The following ELFN2 variants were observed in gnomAD, a reference collection of about 807,000 sequenced individuals.
ELFN2 encodes extracellular leucine rich repeat and fibronectin type III domain containing 2, also known as protein phosphatase 1 regulatory subunit 29.
Under a neutral mutation model 45.5 loss-of-function variants are expected in ELFN2, and 17 were observed. The ratio of observed to expected loss-of-function variants is 0.37; its 90% CI spans 0.26 to 0.56. The LOEUF is 0.56. Among genes scored for constraint, ELFN2 ranks in the 20% least tolerant of loss-of-function variants. The probability of loss-of-function intolerance (pLI) is 0.77; values close to 1 mark genes in which losing one functional copy is unlikely to be tolerated. For missense variants in ELFN2, 922 were observed against 1,183.2 expected, an observed-to-expected ratio of 0.78 and a Z score of 3.24; for synonymous variants, 550 against 551.5, an observed-to-expected ratio of 1.00 and a Z score of 0.04.
intron 2 of ELFN2, among the ~76,000 whole-genome samples, chr22:37,416,689 A>G (rs1932762861): frequency 6.6e-6 from 1 of 151,758 alleles, no homozygotes; most frequent in South Asian, 2.1e-4. Flanking sequence ...AGACCCGCCC[A>G]CTGTGCCTCA....
intron 2 of ELFN2, among the ~76,000 whole-genome samples, chr22:37,403,109 A>G (rs1340725827): frequency 1.3e-5 from 2 of 151,698 alleles, no homozygotes; most frequent in African/African-American, 4.9e-5. Flanking sequence ...ACAACATCCC[A>G]AGCTGAGGCC....
chr22:37,365,906 G>GAGCACA (rs1373922231), downstream of ELFN2, among the ~76,000 whole-genome samples: 6 of 9,198 alleles, frequency 6.5e-4, no homozygotes, highest in African/African-American at 3.1e-3. Context: ...CACGATATCT[G>GAGCACA]AGCACGTGTA....
At chr22:37,400,506 C>G (rs773527237) in intron 2 of ELFN2, among the ~76,000 whole-genome samples, 1 of 152,228 alleles carries the variant, frequency 6.6e-6, no homozygotes. Context: ...TACCAAGAAT[C>G]ACAGCCTGGC....
chr22:37,351,602 G>T (rs1930823015), intron 1 of ELFN2, among the ~76,000 whole-genome samples: 1 of 148,056 alleles, frequency 6.8e-6, no homozygotes, highest in African/African-American at 2.5e-5. Flanking sequence ...CTCGACTTCT[G>T]ACCATCCCAA....
At chr22:37,386,747 GCTAT>G (rs1034392378) in intron 2 of ELFN2, among the ~76,000 whole-genome samples, 2 of 152,214 alleles carry the variant, frequency 1.3e-5, no homozygotes, top group African/African-American at 2.4e-5. Context: ...CAAACGTGAG[GCTAT>G]CTATGTGACA....
At position 37,375,374 on chromosome 22, in the gene ELFN2, T is replaced by C. The variant is rs1216514166; in HGVS notation, c.161A>G (p.Asn54Ser). The C allele has an allele frequency of 6.2e-7, 1 of 1,614,160 alleles. No individual in the cohort carries two copies. The highest frequency in any genetic ancestry group is 1.1e-5 in the South Asian group (1 of 91,084). ...PPYETIPQHI[N>S]STVHDLRLNE... ...GAGCCGCAGGTCGTGCACGGTGCTA[T>C]TGATGTGCTGCGGGATGGTCTCGTA... Residue 54 changes from asparagine to serine, a missense_variant, in exon 3 of 3, where the codon AAT (asparagine) becomes AGT (serine). Physicochemically the swap from Asn to Ser is conservative, Grantham distance 46. Around this residue, in one of 2 missense-constraint regions of ELFN2, gnomAD observed 358 missense variants for 540.4 expected, o/e 0.66. Transcript: ENST00000402918.
chr22:37,381,415 T>G (rs1931762449), intron 2 of ELFN2, among the ~76,000 whole-genome samples: 1 of 152,060 alleles, frequency 6.6e-6, no homozygotes, highest in African/African-American at 2.4e-5. Context: ...AGGCCAGCTG[T>G]GCTCCTCAAA....
intron 2 of ELFN2, among the ~76,000 whole-genome samples, chr22:37,389,044 A>C (rs1932029493): frequency 6.6e-6 from 1 of 152,172 alleles, no homozygotes; most frequent in South Asian, 2.1e-4. Context: ...CTTGGGCAAG[A>C]GCTTCCTCTC....
chr22:37,424,219 C>T (rs1932831372), intron 1 of ELFN2, among the ~76,000 whole-genome samples: 2 of 152,108 alleles, frequency 1.3e-5, no homozygotes, highest in African/African-American at 4.8e-5. Context: ...CTTTCACACT[C>T]ACACATCACA....
chr22:37,396,668 C>T (rs562601638), intron 2 of ELFN2, among the ~76,000 whole-genome samples: 1 of 152,268 alleles, frequency 6.6e-6, no homozygotes, highest in South Asian at 2.1e-4. Flanking sequence ...CCTTCCTGCC[C>T]CGACCCACTA....
rs950372505 is a variant in ELFN2, at chr22:37,424,685, G to A, written c.-614+2613C>T. ...CCTGTAGCCACTGAGGGCGGCGGGG[G>A]GGGGGATGGAATTCACATTAAATCA... On this transcript the variant is annotated intron_variant, in intron 1 of 2. Coordinates refer to ENST00000402918, the MANE Select transcript of ELFN2 (RefSeq NM_052906.5). Among the ~76,000 whole-genome samples, 11 of 148,296 alleles carry A rather than the reference G, an allele frequency of 7.4e-5. No homozygotes were observed. In the South Asian group the frequency reaches 8.3e-4, roughly 11 times the overall value.
chr22:37,367,402 C>T (rs1931229207), downstream of ELFN2, among the ~76,000 whole-genome samples: 1 of 152,176 alleles, frequency 6.6e-6, no homozygotes, highest in Admixed American at 6.5e-5. Flanking sequence ...CGGGAGGGCA[C>T]CAGAGGAGGG....
chr22:37,361,058 A>C (rs550775099), intron 1 of ELFN2, among the ~76,000 whole-genome samples: 1 of 152,236 alleles, frequency 6.6e-6, no homozygotes, highest in South Asian at 2.1e-4. Context: ...GGACCGTTAT[A>C]AACAGCTAAG....
chr22:37,370,653 A>G lies in ELFN2; in HGVS notation c.*2419T>C, dbSNP rs28494078. On this transcript the variant is annotated 3_prime_UTR_variant, in exon 3 of 3. Transcript: ENST00000402918. ...GGAAGGGAGGTGGCACATGGGCCCA[A>G]TGCTCAGAAACACAGGAGGTGGGTG... is the stretch of plus-strand genomic sequence containing the variant. 0.37 allele frequency: 55,414 copies of G among 151,684 alleles called. 10,345 individuals carry two copies. Among genetic ancestry groups the G allele is most frequent in the South Asian group, 0.5 (2,361 of 4,730 alleles). The allele number at this position is 151,684 out of a possible 1,614,324, so 9.4% of individuals were successfully genotyped here. A position where few individuals can be genotyped will look rare whatever the true frequency, so the allele number is the denominator to read the frequency against.
downstream of ELFN2, among the ~76,000 whole-genome samples, chr22:37,365,174 A>G (rs559273085): frequency 6.6e-6 from 1 of 151,990 alleles, no homozygotes; most frequent in Admixed American, 6.5e-5. Flanking sequence ...CAGAGACTAA[A>G]TAAAGGAGAC....
At chr22:37,405,852 C>T (rs1932487650) in intron 2 of ELFN2, among the ~76,000 whole-genome samples, 1 of 151,444 alleles carries the variant, frequency 6.6e-6, no homozygotes, top group South Asian at 2.1e-4. Flanking sequence ...GGGGGGTGGT[C>T]CTGGGCAGGC....
chr22:37,420,883 T>C (rs1932804687), intron 1 of ELFN2, among the ~76,000 whole-genome samples: 1 of 152,178 alleles, frequency 6.6e-6, no homozygotes. Context: ...AAAATGAGGA[T>C]GGCTTTGCTG....
rs2145638093 is a variant in ELFN2 at position 37,375,816 on chromosome 22, C to G, written c.-282G>C. 6.1e-6 allele frequency: 3 copies of G among 491,048 alleles called. No homozygotes were observed. Among genetic ancestry groups the G allele is most frequent in the Non-Finnish European group, 7.4e-6 (2 of 271,408 alleles). 30.4% of individuals were successfully genotyped at this position (491,048 alleles called of 1,614,324 possible). A position where few individuals can be genotyped will look rare whatever the true frequency, so the allele number is the denominator to read the frequency against. ...CTCCTGCTAGGAAGGTGCAAGGGTT[C>G]TCAGGGCTTGACTTCCTCTCCCTCC... On this transcript the variant is annotated 5_prime_UTR_variant, in exon 3 of 3. Coordinates refer to ENST00000402918, the MANE Select transcript of ELFN2 (RefSeq NM_052906.5).
chr22:37,397,259 C>G (rs1464670836), intron 2 of ELFN2, among the ~76,000 whole-genome samples: 1 of 152,226 alleles, frequency 6.6e-6, no homozygotes, highest in East Asian at 1.9e-4. Flanking sequence ...CCTCTGTGCC[C>G]CCTCAGTGCC....
Sources: gnomAD v4.1 joint callset for allele counts (sites outside exome capture counted in the v4.1 genomes callset) on GRCh38, gnomAD v4.1.1 for gene constraint, gnomAD v4.1.1 regional missense constraint, MANE v1.5 for transcripts, NCBI Gene and HGNC (gene_info 2026-07-23, HGNC 2026-07-21) for gene names.